RFFL: variants seen among roughly 807,000 people sequenced by gnomAD.
RFFL encodes the protein E3 ubiquitin-protein ligase rififylin.
In RFFL, 16 loss-of-function variants were observed where a neutral mutation model predicts 40.4. The ratio of observed to expected loss-of-function variants is 0.40; its 90% CI spans 0.27 to 0.60. RFFL has a LOEUF of 0.60. Among genes scored for constraint, RFFL ranks in the 20% least tolerant of loss-of-function variants. The pLI, the probability that RFFL is intolerant of heterozygous loss-of-function variation, is 0.47. For missense variants in RFFL, 367 were observed against 451.7 expected, an observed-to-expected ratio of 0.81 and a Z score of 1.70; for synonymous variants, 154 against 167.9, an observed-to-expected ratio of 0.92 and a Z score of 0.64.
At chr17:35,016,268 T>C (rs1322816907) in intron 5 of RFFL, 102 bp downstream of exon 5, 9 of 1,019,504 alleles carry the variant, frequency 8.8e-6, no homozygotes, top group South Asian at 1.5e-5. Context: ...TCTCCTTCCA[T>C]GGCTTAAGTG....
intron 1 of RFFL, among the ~76,000 whole-genome samples, chr17:35,080,931 G>A (rs1407358376): frequency 6.6e-6 from 1 of 152,206 alleles, no homozygotes; most frequent in Non-Finnish European, 1.5e-5. Context: ...GAAAATGTAG[G>A]TTTAACTGTA....
At chr17:35,034,801 C>T (rs2091109902) in intron 1 of RFFL, among the ~76,000 whole-genome samples, 1 of 152,116 alleles carries the variant, frequency 6.6e-6, no homozygotes, top group Non-Finnish European at 1.5e-5. Context: ...GCTAAGATTA[C>T]AAGTGGGAGC....
At chr17:35,073,619 A>C (rs954562112) in intron 1 of RFFL, among the ~76,000 whole-genome samples, 1 of 152,130 alleles carries the variant, frequency 6.6e-6, no homozygotes, top group Non-Finnish European at 1.5e-5. Context: ...TTCTACACTG[A>C]CTCAGGCTTC....
chr17:35,047,428 A>G (rs1476529554), intron 1 of RFFL, among the ~76,000 whole-genome samples: 1 of 152,252 alleles, frequency 6.6e-6, no homozygotes, highest in African/African-American at 2.4e-5. Context: ...TGAAAGGATT[A>G]AAATAACGCA....
At chr17:35,029,704 A>C (rs1411276734) in intron 1 of RFFL, among the ~76,000 whole-genome samples, 1 of 150,542 alleles carries the variant, frequency 6.6e-6, no homozygotes, top group Non-Finnish European at 1.5e-5. Flanking sequence ...TTTTTTTATT[A>C]TTATACTTTA....
At chr17:35,060,037 A>G (rs2091282577) in intron 1 of RFFL, among the ~76,000 whole-genome samples, 1 of 152,240 alleles carries the variant, frequency 6.6e-6, no homozygotes, top group South Asian at 2.1e-4. Flanking sequence ...GAAGTGATCT[A>G]AAAAGTTAAT....
chr17:35,059,239 G>C (rs773446174), intron 1 of RFFL, among the ~76,000 whole-genome samples: 11 of 151,868 alleles, frequency 7.2e-5, no homozygotes, highest in Non-Finnish European at 1.3e-4. Flanking sequence ...GGCTGGTCTG[G>C]AACTCCCGAC....
chr17:35,046,338 C>A (rs2091200225), intron 1 of RFFL, among the ~76,000 whole-genome samples: 2 of 152,126 alleles, frequency 1.3e-5, no homozygotes, highest in African/African-American at 4.8e-5. Flanking sequence ...GCAATGGGAA[C>A]TGCAAATACA....
chr17:35,031,131 G>C (rs2091080264), intron 1 of RFFL, among the ~76,000 whole-genome samples: 1 of 151,978 alleles, frequency 6.6e-6, no homozygotes, highest in South Asian at 2.1e-4. Context: ...TTTTGGGATG[G>C]AGTCTCCTTC....
chr17:35,073,934 C>T (rs2091363629), intron 1 of RFFL: 1 of 152,196 alleles, frequency 6.6e-6, no homozygotes, highest in Non-Finnish European at 1.5e-5. Flanking sequence ...ATAAAACATC[C>T]TTCAGCACTA....
intron 1 of RFFL, among the ~76,000 whole-genome samples, chr17:35,052,241 T>C (rs540345333): frequency 6.6e-6 from 1 of 152,342 alleles, no homozygotes; most frequent in South Asian, 2.1e-4. Flanking sequence ...GAAGATTTTT[T>C]TTCCCTTTCC....
chr17:35,032,577 G>A (rs957134606), intron 1 of RFFL, among the ~76,000 whole-genome samples: 6 of 152,056 alleles, frequency 3.9e-5, no homozygotes, highest in African/African-American at 1.2e-4. Flanking sequence ...ATAGGGACGG[G>A]TTAAGATGAT....
intron 1 of RFFL, among the ~76,000 whole-genome samples, chr17:35,086,244 GGAGGCC>G (rs1404194243): frequency 2.0e-5 from 3 of 152,104 alleles, no homozygotes; most frequent in Non-Finnish European, 4.4e-5. Context: ...CAGCACTTTG[GGAGGCC>G]GAGGCCAGAG....
At chr17:35,028,414 G>C (rs1447314084) in intron 1 of RFFL, among the ~76,000 whole-genome samples, 1 of 151,976 alleles carries the variant, frequency 6.6e-6, no homozygotes, top group African/African-American at 2.4e-5. Flanking sequence ...ACAAAGGGCT[G>C]ATGATTTTTA....
At chr17:35,014,450 C>A (rs1341740325) in intron 6 of RFFL, among the ~76,000 whole-genome samples, 1 of 152,120 alleles carries the variant, frequency 6.6e-6, no homozygotes, top group Admixed American at 6.5e-5. Context: ...ACATGCCACC[C>A]CTCCTCTGTT....
chr17:35,074,907 T>C (rs144191897), intron 1 of RFFL, among the ~76,000 whole-genome samples: 1 of 152,350 alleles, frequency 6.6e-6, no homozygotes, highest in East Asian at 1.9e-4. Context: ...CACAGTGGAA[T>C]GAGTGAAATA....
rs764829793 is a variant in RFFL at position 35,008,318 on chromosome 17, G to C, written c.*3650C>G. 8.5e-5 allele frequency: 13 copies of C among 152,216 alleles called. No individual in the cohort carries two copies. The highest frequency in any genetic ancestry group is 1.9e-4 in the Non-Finnish European group (13 of 68,066). 9.4% of individuals were successfully genotyped at this position (152,216 alleles called of 1,614,324 possible). On this transcript the variant is annotated 3_prime_UTR_variant, in exon 7 of 7. Transcript: ENST00000394597. The stretch of plus-strand genomic sequence containing the variant: ...CCATATATTACATTTGTGGTCTTGA[G>C]CAAGTTAGTTAGTTACAACAACACT...
intron 1 of RFFL, among the ~76,000 whole-genome samples, chr17:35,033,148 T>A (rs2091096574): frequency 6.6e-6 from 1 of 151,932 alleles, no homozygotes; most frequent in African/African-American, 2.4e-5. Flanking sequence ...CACAAACTGC[T>A]GAGGAGTCCC....
chr17:35,055,829 C>T (rs961802307), intron 1 of RFFL, among the ~76,000 whole-genome samples: 6 of 150,842 alleles, frequency 4.0e-5, no homozygotes, highest in African/African-American at 1.5e-4. Flanking sequence ...AAGCATAAGG[C>T]TTTTTTTTTA....
Sources: gnomAD v4.1 joint callset for allele counts (sites outside exome capture counted in the v4.1 genomes callset) on GRCh38, gnomAD v4.1.1 for gene constraint, MANE v1.5 for transcripts, NCBI Gene and HGNC (gene_info 2026-07-23, HGNC 2026-07-21) for gene names.